The following ANKFY1 variants were observed in gnomAD, a reference collection of about 807,000 sequenced individuals.
The protein encoded by ANKFY1 is ankyrin repeat and FYVE domain-containing protein 1.
ANKFY1 carries 47 observed loss-of-function variants against 128.3 expected under a neutral mutation model. The ratio of observed to expected loss-of-function variants is 0.37; its 90% CI spans 0.29 to 0.47. ANKFY1 has a LOEUF of 0.47. ANKFY1 is among the 20% of genes least tolerant of loss of function. The probability of loss-of-function intolerance (pLI) is 1.00; values close to 1 mark genes in which losing one functional copy is unlikely to be tolerated. For missense variants in ANKFY1, 1,222 were observed against 1,510.6 expected, an observed-to-expected ratio of 0.81 and a Z score of 3.17; for synonymous variants, 553 against 601.6, an observed-to-expected ratio of 0.92 and a Z score of 1.18.
intron 10 of ANKFY1, among the ~76,000 whole-genome samples, chr17:4,190,059 G>A (rs2059690276): frequency 6.6e-6 from 1 of 152,170 alleles, no homozygotes; most frequent in Non-Finnish European, 1.5e-5. Flanking sequence ...CGGACATTTT[G>A]GACAGGATAA....
At position 4,226,783 on chromosome 17, in the gene ANKFY1, A is replaced by G. The variant is rs577962294; in HGVS notation, c.322+8989T>C. On this transcript the variant is annotated intron_variant, in intron 3 of 24. Coordinates refer to ENST00000341657, the MANE Select transcript of ANKFY1 (RefSeq NM_001330063.2). The stretch of plus-strand genomic sequence containing the variant: ...GAAATCAATAAAATAGAAAACAACC[A>G]ACAGAGAAAATTAACAAAGCCAAAG... Among the ~76,000 whole-genome samples, 18 of 151,922 alleles carry G rather than the reference A, an allele frequency of 1.2e-4. No homozygotes were observed. In the South Asian group the frequency reaches 3.3e-3, roughly 28 times the overall value.
chr17:4,181,373 C>T lies in ANKFY1; in HGVS notation c.2122-1G>A. 6.2e-7 allele frequency: 1 copy of T among 1,612,136 alleles called. No homozygotes were observed. Among genetic ancestry groups the T allele is most frequent in the Non-Finnish European group, 8.5e-7 (1 of 1,178,216 alleles). On this transcript the variant is annotated splice_acceptor_variant, in intron 15 of 24. Coordinates refer to ENST00000341657, the MANE Select transcript of ANKFY1 (RefSeq NM_001330063.2). LOFTEE classifies it high-confidence loss of function. The surrounding 1 kb of genome is among the most constrained non-coding windows in gnomAD (Gnocchi z 4.9). ...ATGTGGCATCACAGCCATGTCTGAC[C>T]TGCAGAAAAACATAGGTTATTCACA... is the stretch of plus-strand genomic sequence containing the variant.
chr17:4,209,547 C>T (rs574983239), intron 5 of ANKFY1, among the ~76,000 whole-genome samples: 4 of 152,272 alleles, frequency 2.6e-5, no homozygotes, highest in South Asian at 2.1e-4. Flanking sequence ...GTGGTCTGCC[C>T]GCCTGGGCCT....
chr17:4,184,912 G>A lies in ANKFY1; in HGVS notation c.1605C>T (p.Thr535=). 1 of 1,614,124 alleles carries A rather than the reference G, an allele frequency of 6.2e-7. No homozygotes were observed. The highest frequency in any genetic ancestry group is 8.5e-7 in the Non-Finnish European group (1 of 1,180,040). ...LPLPKEAASL[T]SLADSVHLQT... ...GCAGATGGACGCTGTCCGCCAAGCT[G>A]GTCAGGGATGCGGCCTCCTTTGGCA... The change falls in exon 12 of 25, where the codon ACC becomes ACT. Residue 535 remains threonine (T), a synonymous_variant. Transcript: ENST00000341657.
chr17:4,169,317 G>T lies in ANKFY1; in HGVS notation c.3287-29C>A. On this transcript the variant is annotated intron_variant, in intron 23 of 24. Transcript: ENST00000341657. The surrounding 1 kb of genome is among the most constrained non-coding windows in gnomAD (Gnocchi z 5.0). ...CAACACAGGGGGGAGGCCCGGTCCCGTCAAACCGCGACGGCGCCACGCAAG... is the reference window on the plus strand; with the variant it reads ...CAACACAGGGGGGAGGCCCGGTCCCTTCAAACCGCGACGGCGCCACGCAAG... The T allele has an allele frequency of 6.6e-7, 1 of 1,516,184 alleles. No individual in the cohort carries two copies. 93.9% of individuals were successfully genotyped at this position (1,516,184 alleles called of 1,614,324 possible).
At chr17:4,233,070 T>C (rs2060540952) in intron 3 of ANKFY1, among the ~76,000 whole-genome samples, 1 of 152,066 alleles carries the variant, frequency 6.6e-6, no homozygotes, top group Non-Finnish European at 1.5e-5. Flanking sequence ...CTGTCATACC[T>C]ATTTGTATCG....
intron 6 of ANKFY1, among the ~76,000 whole-genome samples, chr17:4,207,107 C>T (rs1323349853): frequency 6.6e-6 from 1 of 151,982 alleles, no homozygotes; most frequent in South Asian, 2.1e-4. Flanking sequence ...GGAGGCCCGA[C>T]CTATCTAACC....
chr17:4,169,158 G>A lies in ANKFY1; in HGVS notation c.3377+40C>T. 6.6e-7 allele frequency: 1 copy of A among 1,507,614 alleles called. No homozygotes were observed. The highest frequency in any genetic ancestry group is 2.0e-5 in the Admixed American group (1 of 50,768). 93.4% of individuals were successfully genotyped at this position (1,507,614 alleles called of 1,614,324 possible). A position where few individuals can be genotyped will look rare whatever the true frequency, so the allele number is the denominator to read the frequency against. On this transcript the variant is annotated intron_variant, in intron 24 of 24. Coordinates refer to ENST00000341657, the MANE Select transcript of ANKFY1 (RefSeq NM_001330063.2). The surrounding 1 kb of genome is among the most constrained non-coding windows in gnomAD (Gnocchi z 5.0). ...AAGGGGGGAAGCAATGACATCAGCG[G>A]CAGTCCCCTCGCTCCTTGCCAGTGA...
In ANKFY1 at chr17:4,166,133, T is replaced by C. The variant is rs2059206599; in HGVS notation, c.*1646A>G. On this transcript the variant is annotated 3_prime_UTR_variant, in exon 25 of 25. Coordinates refer to ENST00000341657, the MANE Select transcript of ANKFY1 (RefSeq NM_001330063.2). The stretch of plus-strand genomic sequence containing the variant: ...AGCTTATATTCACATAGAAAGCATA[T>C]ACATCTTATAAATCACAGACTTTTT... The C allele has an allele frequency of 6.6e-6, 1 of 152,234 alleles. No individual in the cohort carries two copies. 9.4% of individuals were successfully genotyped at this position (152,234 alleles called of 1,614,324 possible).
intron 1 of ANKFY1, among the ~76,000 whole-genome samples, chr17:4,246,303 T>C (rs1272064924): frequency 6.6e-6 from 1 of 152,224 alleles, no homozygotes; most frequent in African/African-American, 2.4e-5. Context: ...AAGGTTTCGA[T>C]CTTTTATTTT....
chr17:4,204,502 G>A (rs1339314993), intron 7 of ANKFY1, among the ~76,000 whole-genome samples: 3 of 152,136 alleles, frequency 2.0e-5, no homozygotes, highest in Admixed American at 6.5e-5. Flanking sequence ...TTATACCCAC[G>A]CTGTAATCCA....
chr17:4,223,196 C>CACAGAAAT (rs2060357646), intron 3 of ANKFY1: 1 of 793,138 alleles, frequency 1.3e-6, no homozygotes, highest in African/African-American at 1.7e-5. Flanking sequence ...AAGTCTTCAT[C>CACAGAAAT]ACAGAAATCT....
chr17:4,197,570 G>A lies in ANKFY1; in HGVS notation c.906C>T (p.Leu302=), dbSNP rs1164786746. Residue 302 remains leucine, a synonymous_variant, in exon 8 of 25, where the codon CTC becomes CTT. Transcript: ENST00000341657. ...TCTTAATGAGGAAAGTGGCAGCAAAGAGATCTCCTTGAAAAGAAATAATAG... is the reference window on the plus strand; with the variant it reads ...TCTTAATGAGGAAAGTGGCAGCAAAAAGATCTCCTTGAAAAGAAATAATAG... The part of the protein sequence containing the change: ...LLHKGIQRGD[L]FAATFLIKNG... The A allele has an allele frequency of 2.5e-6, 4 of 1,613,996 alleles. No individual in the cohort carries two copies. The highest frequency in any genetic ancestry group is 3.4e-6 in the Non-Finnish European group (4 of 1,179,982).
At chr17:4,250,587 C>G (rs1300469932) in intron 1 of ANKFY1, among the ~76,000 whole-genome samples, 1 of 152,150 alleles carries the variant, frequency 6.6e-6, no homozygotes, top group Non-Finnish European at 1.5e-5. Flanking sequence ...GATGTCAGGT[C>G]TCTCCAAATT....
intron 10 of ANKFY1, among the ~76,000 whole-genome samples, chr17:4,193,966 C>G (rs930180655): frequency 6.6e-6 from 1 of 151,184 alleles, no homozygotes; most frequent in African/African-American, 2.4e-5. Context: ...CCATGTTGGC[C>G]TGGCTGATCT....
At position 4,195,494 on chromosome 17, in the gene ANKFY1, G is replaced by A. The variant is rs986594764; in HGVS notation, c.1104-23C>T. ...GTCCTGCGGGATCCAAAAGAAGAGG[G>A]GTCAGTTCAGGACAGGCCTGTTCAG... is the stretch of plus-strand genomic sequence containing the variant. On this transcript the variant is annotated intron_variant, in intron 8 of 24. Transcript: ENST00000341657. 3.1e-6 allele frequency: 5 copies of A among 1,606,250 alleles called. No individual in the cohort carries two copies. In the Admixed American group the frequency reaches 8.3e-5, roughly 27 times the overall value.
chr17:4,248,604 T>C (rs1967682559), intron 1 of ANKFY1, among the ~76,000 whole-genome samples: 1 of 152,230 alleles, frequency 6.6e-6, no homozygotes, highest in South Asian at 2.1e-4. Context: ...CTTCATCAAG[T>C]GACCAGTTTT....
intron 11 of ANKFY1, chr17:4,187,179 T>G: frequency 2.2e-6 from 1 of 447,312 alleles, no homozygotes; most frequent in Non-Finnish European, 3.7e-6. Context: ...AGTTCCCAAA[T>G]TCCATTACGT....
chr17:4,240,120 A>G (rs1967127571), intron 2 of ANKFY1, among the ~76,000 whole-genome samples: 1 of 145,432 alleles, frequency 6.9e-6, no homozygotes, highest in African/African-American at 2.6e-5. Flanking sequence ...GCTGCCGTGC[A>G]GTGGCGCAAT....
Sources: allele counts gnomAD v4.1 joint callset (sites outside exome capture counted in the v4.1 genomes callset), GRCh38; gene constraint gnomAD v4.1.1; non-coding constraint Gnocchi (gnomAD v3.1); transcripts MANE v1.5; gene names NCBI Gene and HGNC (gene_info 2026-07-23, HGNC 2026-07-21).